CACNA1H: variants seen among roughly 807,000 people sequenced by gnomAD.
CACNA1H encodes the protein calcium voltage-gated channel subunit alpha1 H.
Under a neutral mutation model 192.5 loss-of-function variants are expected in CACNA1H, and 149 were observed. The ratio of observed to expected loss-of-function variants is 0.77; its 90% confidence interval spans 0.68 to 0.89. The LOEUF is 0.89. Ranked by LOEUF, CACNA1H falls within the 40% of genes least tolerant of loss-of-function variation. The probability of loss-of-function intolerance (pLI) is 0.00; values close to 1 mark genes in which losing one functional copy is unlikely to be tolerated. For missense variants in CACNA1H, 4,257 were observed against 3,423.5 expected, an observed-to-expected ratio of 1.24 and a Z score of -6.08; for synonymous variants, 2,202 against 1,475.2, an observed-to-expected ratio of 1.49 and a Z score of -11.29.
In CACNA1H at chr16:1,202,115, G is replaced by A. The variant is rs753841406; in HGVS notation, c.1665G>A (p.Ala555=). ...ACDTRLVRAG[A]PPSPPSPGRG... ...ACACCAGGCTGGTCCGAGCTGGCGC[G>A]CCCCCCTCGCCACCTTCCCCAGGCC... The change falls in exon 9 of 35, where the codon GCG becomes GCA. Residue 555 remains alanine, a synonymous_variant. Transcript: ENST00000348261. 68 of 1,546,058 alleles carry A rather than the reference G, an allele frequency of 4.4e-5. No homozygotes were observed. The highest frequency in any genetic ancestry group is 7.3e-5 in the East Asian group (3 of 40,854).
intron 2 of CACNA1H, chr16:1,160,093 A>C (rs1259476512): frequency 6.6e-6 from 1 of 152,258 alleles, no homozygotes; most frequent in Non-Finnish European, 1.5e-5. Flanking sequence ...AGTCCAAGCC[A>C]CGGTCGCACA....
chr16:1,195,002 C>T lies in CACNA1H; in HGVS notation c.330C>T (p.Ile110=), dbSNP rs762862805. The change falls in exon 3 of 35, where the codon ATC becomes ATT. Residue 110 remains isoleucine, a synonymous_variant. Coordinates refer to ENST00000348261, the MANE Select transcript of CACNA1H (RefSeq NM_021098.3). The stretch of plus-strand genomic sequence containing the variant: ...TCGAGCACGTGAGCATGCTGGTAAT[C>T]ATGCTCAACTGCGTGACCCTGGGCA... ...PWFEHVSMLV[I]MLNCVTLGMF... 8 of 1,612,170 alleles carry T rather than the reference C, an allele frequency of 5.0e-6. No homozygotes were observed. In the South Asian group the frequency reaches 5.5e-5, roughly 11 times the overall value.
chr16:1,220,009 G>C lies in CACNA1H; in HGVS notation c.6077G>C (p.Gly2026Ala). ...QEAVHTDSLE[G>A]KIDSPRDTLD... The stretch of plus-strand genomic sequence containing the variant: ...GCTGTGCACACCGATTCCTTGGAAG[G>C]GAAGATTGACAGCCCTAGGGACACC... Residue 2026 changes from glycine (G) to alanine (A), a missense_variant, in exon 35 of 35, where the codon GGG becomes GCG. Physicochemically the swap from Gly to Ala is moderately conservative, Grantham distance 60. Transcript: ENST00000348261. The C allele has an allele frequency of 1.5e-6, 2 of 1,355,178 alleles. No homozygotes were observed. Among genetic ancestry groups the C allele is most frequent in the South Asian group, 4.6e-5 (2 of 43,854 alleles). 83.9% of individuals were successfully genotyped at this position (1,355,178 alleles called of 1,614,324 possible).
intron 14 of CACNA1H, 62 bp downstream of exon 14, chr16:1,207,492 G>T (rs963422982): frequency 3.8e-5 from 59 of 1,549,706 alleles, no homozygotes; most frequent in Non-Finnish European, 4.9e-5. Flanking sequence ...CGGGCTTCAG[G>T]TCGAGGGGAG....
chr16:1,171,014 C>G (rs1273267380), intron 2 of CACNA1H, among the ~76,000 whole-genome samples: 6 of 152,014 alleles, frequency 3.9e-5, no homozygotes. Context: ...CTCTCTAGCT[C>G]TCCCCCCAAC....
chr16:1,205,704 C>T (rs557548756), intron 11 of CACNA1H, among the ~76,000 whole-genome samples: 2 of 152,302 alleles, frequency 1.3e-5, no homozygotes, highest in South Asian at 4.1e-4. Flanking sequence ...CCGGTCTTCC[C>T]CTAGGAGGAC....
At chr16:1,189,397 CTTTTTTTT>C (rs3990780) in intron 2 of CACNA1H, among the ~76,000 whole-genome samples, 23 of 45,014 alleles carry the variant, frequency 5.1e-4, no homozygotes, top group African/African-American at 1.3e-3. Context: ...GAAGAGTGTC[CTTTTTTTT>C]TTTTTTTTTT....
At chr16:1,185,395 T>G (rs1596351966) in intron 2 of CACNA1H, among the ~76,000 whole-genome samples, 2 of 152,000 alleles carry the variant, frequency 1.3e-5, no homozygotes, top group East Asian at 3.9e-4. Flanking sequence ...ACCCACCGGT[T>G]ATCCGGAGCT....
intron 30 of CACNA1H, among the ~76,000 whole-genome samples, 171 bp from the exon 31 acceptor site, chr16:1,216,761 A>G (rs1327195816): frequency 1.3e-5 from 2 of 151,446 alleles, no homozygotes; most frequent in East Asian, 3.9e-4. Flanking sequence ...GGGCTGAGGA[A>G]CAGGGGTCCC....
At chr16:1,185,413 G>A (rs1965887701) in intron 2 of CACNA1H, among the ~76,000 whole-genome samples, 1 of 151,894 alleles carries the variant, frequency 6.6e-6, no homozygotes, top group Non-Finnish European at 1.5e-5. Flanking sequence ...GCTTAGACGT[G>A]CCCGGGTGGC....
intron 2 of CACNA1H, among the ~76,000 whole-genome samples, chr16:1,163,186 C>A (rs960517996): frequency 6.6e-6 from 1 of 152,230 alleles, no homozygotes; most frequent in African/African-American, 2.4e-5. Context: ...CAGCCACCTC[C>A]CCCAGCTCGG....
At position 1,211,598 on chromosome 16, in the gene CACNA1H, C is replaced by T. The variant is rs766121070; in HGVS notation, c.4468C>T (p.Leu1490=). ...WVRRKYNFDN[L]GQALMSLFVL... ...GCGACGCAAGTACAACTTCGACAAC[C>T]TGGGCCAGGTGGGCTGGGCGGCCGG... is the stretch of plus-strand genomic sequence containing the variant. Residue 1490 remains leucine, a synonymous_variant, in exon 23 of 35, where the codon CTG becomes TTG. Transcript: ENST00000348261. 1.2e-6 allele frequency: 2 copies of T among 1,609,742 alleles called. No homozygotes were observed. The highest frequency in any genetic ancestry group is 2.7e-5 in the African/African-American group (2 of 74,848).
intron 31 of CACNA1H, among the ~76,000 whole-genome samples, chr16:1,217,422 A>G (rs1262814959): frequency 6.6e-6 from 1 of 152,140 alleles, no homozygotes; most frequent in Non-Finnish European, 1.5e-5. Context: ...GCCCCCACCC[A>G]GGCCTCAGCC....
At chr16:1,156,019 C>G (rs987494397) in intron 2 of CACNA1H, among the ~76,000 whole-genome samples, 3 of 152,074 alleles carry the variant, frequency 2.0e-5, no homozygotes, top group Admixed American at 1.3e-4. Flanking sequence ...CTGGGAAGAA[C>G]AGAGCATGCC....
rs923710949 is a variant in CACNA1H at position 1,218,204 on chromosome 16, C to A, written c.5446-6C>A. The A allele has an allele frequency of 4.2e-5, 65 of 1,547,524 alleles. No homozygotes were observed. Among genetic ancestry groups the A allele is most frequent in the Non-Finnish European group, 5.6e-5 (64 of 1,145,312 alleles). On this transcript the variant is annotated splice_region_variant and splice_polypyrimidine_tract_variant and intron_variant, in intron 32 of 34. Transcript: ENST00000348261. Reference sequence around the variant, plus strand: ...GACCCCGGCCCACAGCTGTCCCCCACCGCAGGACACGCTGCGCGAGTGCTC... The same window carrying A: ...GACCCCGGCCCACAGCTGTCCCCCAACGCAGGACACGCTGCGCGAGTGCTC...
intron 2 of CACNA1H, among the ~76,000 whole-genome samples, chr16:1,189,560 C>A (rs534352667): frequency 6.6e-6 from 1 of 151,790 alleles, no homozygotes; most frequent in Admixed American, 6.6e-5. Context: ...TGCCACCGCA[C>A]CCCAAAATTT....
chr16:1,207,610 A>AG (rs1968894571), intron 14 of CACNA1H, among the ~76,000 whole-genome samples, 160 bp from the exon 15 acceptor site: 1 of 151,884 alleles, frequency 6.6e-6, no homozygotes, highest in African/African-American at 2.4e-5. Context: ...CGGTCGGGAG[A>AG]GGCAGATTCC....
intron 2 of CACNA1H, among the ~76,000 whole-genome samples, chr16:1,189,331 T>C (rs1269812330): frequency 6.8e-6 from 1 of 148,130 alleles, no homozygotes; most frequent in Non-Finnish European, 1.5e-5. Context: ...GTGCACAGGC[T>C]TGGAGATGTG....
rs1290830394 is a variant in CACNA1H, at chr16:1,220,972, G to A, written c.7040G>A (p.Gly2347Asp). Residue 2347 changes from glycine to aspartate, a missense_variant, in exon 35 of 35, where the codon GGT becomes GAT. Physicochemically the swap from Gly to Asp is moderately conservative, Grantham distance 94. Transcript: ENST00000348261. ...GSPSATPAPG[G>D]GADDPV ...CCCTCAGCCACCCCTGCCCCAGGGG[G>A]TGGTGCAGATGACCCCGTGTAGCTC... is the stretch of plus-strand genomic sequence containing the variant. 2.5e-6 allele frequency: 4 copies of A among 1,600,638 alleles called. No individual in the cohort carries two copies. The highest frequency in any genetic ancestry group is 1.3e-5 in the African/African-American group (1 of 74,190).
Sources: gnomAD v4.1 joint callset for allele counts (sites outside exome capture counted in the v4.1 genomes callset) on GRCh38, gnomAD v4.1.1 for gene constraint, MANE v1.5 for transcripts, NCBI Gene and HGNC (gene_info 2026-07-23, HGNC 2026-07-21) for gene names.